C12orf42: variants seen among roughly 807,000 people sequenced by gnomAD.
C12orf42 encodes uncharacterized protein C12orf42.
In C12orf42, 25 loss-of-function variants were observed where a neutral mutation model predicts 21.6. The ratio of observed to expected loss-of-function variants is 1.16; its 90% CI spans 0.84 to 1.62. C12orf42 has a LOEUF of 1.62. Ranked by LOEUF, C12orf42 falls within the 40% of genes most tolerant of loss-of-function variation. The pLI is 0.00. For synonymous variants in C12orf42, 174 were observed against 175.0 expected (o/e 0.99, Z 0.05); for missense variants, 483 against 459.3 (o/e 1.05, Z -0.47).
At chr12:103,332,253 G>A (rs2137069110) in intron 4 of C12orf42, among the ~76,000 whole-genome samples, 1 of 152,252 alleles carries the variant, frequency 6.6e-6, no homozygotes, top group South Asian at 2.1e-4. Flanking sequence ...TAATGAAACT[G>A]AAGCTTTCTT....
intron 2 of C12orf42, among the ~76,000 whole-genome samples, chr12:103,452,649 G>A (rs997424290): frequency 6.6e-6 from 1 of 152,206 alleles, no homozygotes; most frequent in Admixed American, 6.5e-5. Context: ...ATGATAGACT[G>A]GATTAAGAAA....
chr12:103,201,143 T>C, the C12orf42 span, among the ~76,000 whole-genome samples: 1 of 152,222 alleles, frequency 6.6e-6, no homozygotes, highest in East Asian at 1.9e-4. Context: ...CCATCAGGCA[T>C]TGTTATGGAG....
At chr12:103,560,925 C>T in the C12orf42 span, among the ~76,000 whole-genome samples, 1 of 152,238 alleles carries the variant, frequency 6.6e-6, no homozygotes, top group Non-Finnish European at 1.5e-5. Flanking sequence ...CTAGGCGTCA[C>T]TGGGAGTCAT....
intron 5 of C12orf42, among the ~76,000 whole-genome samples, chr12:103,274,037 C>T (rs2035622410): frequency 6.6e-6 from 1 of 152,180 alleles, no homozygotes; most frequent in South Asian, 2.1e-4. Flanking sequence ...GCCTTTCAGA[C>T]ACTCAGTAAG....
Position 103,275,523 on chromosome 12 carries a change from T to C in C12orf42, n.398+1627A>G, listed in dbSNP as rs549860552. Among the ~76,000 whole-genome samples the C allele has an allele frequency of 3.9e-5, 6 of 152,286 alleles. No homozygotes were observed. In the East Asian group the frequency reaches 7.7e-4, roughly 20 times the overall value. On this transcript the variant is annotated intron_variant and non_coding_transcript_variant, in intron 5 of 6. Transcript: ENST00000546526. ...CGAACTTCAAAGGAACAAGTAATCCTGACCTTAGATAAATTGCTCTATAAC... is the reference window on the plus strand; with the variant it reads ...CGAACTTCAAAGGAACAAGTAATCCCGACCTTAGATAAATTGCTCTATAAC...
chr12:103,422,001 T>G (rs181961447), intron 2 of C12orf42, among the ~76,000 whole-genome samples: 263 of 152,336 alleles, frequency 1.7e-3, no homozygotes, highest in Middle Eastern at 3.4e-3. Flanking sequence ...GAGGGATAGC[T>G]TTATGTATAA....
chr12:103,387,357 T>C (rs1313854032), intron 3 of C12orf42, among the ~76,000 whole-genome samples: 4 of 152,178 alleles, frequency 2.6e-5, no homozygotes, highest in African/African-American at 4.8e-5. Context: ...ACCACCATAT[T>C]TTAAAAGTTA....
the C12orf42 span, among the ~76,000 whole-genome samples, chr12:103,083,620 G>T: frequency 6.6e-5 from 10 of 152,016 alleles, no homozygotes; most frequent in Non-Finnish European, 7.4e-5. Context: ...AAAGCATATC[G>T]CTCTTTAGAT....
rs568054101 is a variant in C12orf42 at position 103,246,334 on chromosome 12, CT to C, written c.*1367-8433del. 2.2e-3 allele frequency among the ~76,000 whole-genome samples: 334 copies of C among 152,132 alleles called. 1 individual carries two copies. The highest frequency in any genetic ancestry group is 3.6e-3 in the Non-Finnish European group (245 of 67,964). On this transcript the variant is annotated intron_variant and NMD_transcript_variant, in intron 10 of 10. Transcript: ENST00000547347. ...GGCGATTTCTTTTAAGTAAACCCAA[CT>C]GGAAATCAAAGTGACTTTTACTGAG...
At chr12:103,355,820 G>C (rs2043495611) in intron 4 of C12orf42, among the ~76,000 whole-genome samples, 1 of 152,040 alleles carries the variant, frequency 6.6e-6, no homozygotes, top group Non-Finnish European at 1.5e-5. Context: ...TCCTCCCTTA[G>C]TATTGGATGC....
intron 2 of C12orf42, among the ~76,000 whole-genome samples, chr12:103,416,329 G>A (rs1260101403): frequency 6.6e-6 from 1 of 152,078 alleles, no homozygotes; most frequent in Non-Finnish European, 1.5e-5. Flanking sequence ...AAAAGGTTTA[G>A]TGCATTATAG....
chr12:103,398,529 T>C (rs1439391816), intron 3 of C12orf42, among the ~76,000 whole-genome samples: 1 of 152,136 alleles, frequency 6.6e-6, no homozygotes, highest in Non-Finnish European at 1.5e-5. Flanking sequence ...TGTAGTAAAA[T>C]TTATCAATAT....
At chr12:103,191,570 A>AAAAAAAAAAAAAAAC in the C12orf42 span, among the ~76,000 whole-genome samples, 2 of 129,128 alleles carry the variant, frequency 1.5e-5, no homozygotes, top group African/African-American at 5.9e-5. Flanking sequence ...AAAAAAAAAA[A>AAAAAAAAAAAAAAAC]AAAATACAAA....
At position 103,268,833 on chromosome 12, in the gene C12orf42, A is replaced by G. The variant is rs79176042; in HGVS notation, n.575T>C. The G allele has an allele frequency of 4.8e-3, 725 of 152,272 alleles. 10 individuals are homozygous for G. The highest frequency in any genetic ancestry group is 0.017 in the African/African-American group (695 of 41,560). 9.4% of individuals were successfully genotyped at this position (152,272 alleles called of 1,614,324 possible). A position where few individuals can be genotyped will look rare whatever the true frequency, so the allele number is the denominator to read the frequency against. ...CATGTGTCACATATAATGCATGAAA[A>G]AGTTGTTCTTTTATCATGGATAACT... is the stretch of plus-strand genomic sequence containing the variant. On this transcript the variant is annotated non_coding_transcript_exon_variant, in exon 7 of 7. Transcript: ENST00000546526.
chr12:103,198,021 G>A, the C12orf42 span, among the ~76,000 whole-genome samples: 5 of 152,302 alleles, frequency 3.3e-5, no homozygotes, highest in East Asian at 7.7e-4. Flanking sequence ...CTGGGACAGA[G>A]GCAGCAGGAT....
At chr12:103,537,611 G>C in the C12orf42 span, among the ~76,000 whole-genome samples, 3 of 152,190 alleles carry the variant, frequency 2.0e-5, no homozygotes, top group Admixed American at 2.0e-4. Context: ...TGAAAGGGGA[G>C]CGCTACCATC....
At chr12:103,492,008 G>A (rs1955220926) in intron 1 of C12orf42, among the ~76,000 whole-genome samples, 1 of 152,076 alleles carries the variant, frequency 6.6e-6, no homozygotes. Context: ...CCAGGTTGGA[G>A]GGCAGTGGCA....
At chr12:103,100,145 G>T in the C12orf42 span, among the ~76,000 whole-genome samples, 2 of 152,234 alleles carry the variant, frequency 1.3e-5, no homozygotes, top group Non-Finnish European at 1.5e-5. Context: ...GATACCCAAG[G>T]CAGGGGGCAG....
intron 2 of C12orf42, among the ~76,000 whole-genome samples, chr12:103,453,109 A>T (rs1952058207): frequency 6.6e-6 from 1 of 152,020 alleles, no homozygotes; most frequent in Non-Finnish European, 1.5e-5. Flanking sequence ...GACTAGAATA[A>T]TCAATTCTCT....
Sources: allele counts gnomAD v4.1 joint callset (sites outside exome capture counted in the v4.1 genomes callset), GRCh38; gene constraint gnomAD v4.1.1; transcripts MANE v1.5; gene names NCBI Gene and HGNC (gene_info 2026-07-23, HGNC 2026-07-21).